PDE9A: variants seen among roughly 807,000 people sequenced by gnomAD.
The protein encoded by PDE9A is phosphodiesterase 9A, also known as high affinity cGMP-specific 3',5'-cyclic phosphodiesterase 9A.
Under a neutral mutation model 87.4 loss-of-function variants are expected in PDE9A, and 60 were observed. That is an observed-to-expected ratio of 0.69 (90% CI 0.56 to 0.85). The LOEUF is 0.85. Ranked by LOEUF, PDE9A falls within the 40% of genes least tolerant of loss-of-function variation. The pLI is 0.00. For missense variants in PDE9A, 665 were observed against 779.0 expected (o/e 0.85, Z 1.74); for synonymous variants, 272 against 279.4 (o/e 0.97, Z 0.27).
intron 4 of PDE9A, among the ~76,000 whole-genome samples, chr21:42,706,981 G>C (rs1375731182): frequency 6.6e-6 from 1 of 152,124 alleles, no homozygotes; most frequent in Non-Finnish European, 1.5e-5. Context: ...GCGTCCTGTG[G>C]CTGCATTGTG....
At chr21:42,677,743 A>G (rs1213734994) in intron 1 of PDE9A, among the ~76,000 whole-genome samples, 1 of 152,090 alleles carries the variant, frequency 6.6e-6, no homozygotes, top group Non-Finnish European at 1.5e-5. Flanking sequence ...CCCGGGTTCA[A>G]GTGATTCTCC....
In PDE9A at chr21:42,696,789, G is replaced by A; in HGVS notation, c.219-2179G>A. ...GGGTCTGTAAGGCAGTGAGGCTGAG[G>A]TTCCTGGGACAGCTGGGCACTGTGG... is the stretch of plus-strand genomic sequence containing the variant. On this transcript the variant is annotated intron_variant, in intron 3 of 19. Coordinates refer to ENST00000291539, the MANE Select transcript of PDE9A (RefSeq NM_002606.3). This position sits in a 1 kb window ranked among gnomAD's most constrained non-coding sequence, Gnocchi z 5.1. Among the ~76,000 whole-genome samples the A allele has an allele frequency of 6.6e-6, 1 of 152,180 alleles. No homozygotes were observed. The highest frequency in any genetic ancestry group is 1.5e-5 in the Non-Finnish European group (1 of 68,038).
chr21:42,684,207 G>T (rs1407714250), intron 1 of PDE9A, among the ~76,000 whole-genome samples: 2 of 152,262 alleles, frequency 1.3e-5, no homozygotes, highest in Admixed American at 6.5e-5. Context: ...TGCTTCTCCA[G>T]AAGCTGCAGA....
chr21:42,762,179 C>A lies in PDE9A; in HGVS notation c.1182C>A (p.Ala394=). 1 of 1,614,198 alleles carries A rather than the reference C, an allele frequency of 6.2e-7. No individual in the cohort carries two copies. The highest frequency in any genetic ancestry group is 8.5e-7 in the Non-Finnish European group (1 of 1,180,030). The stretch of plus-strand genomic sequence containing the variant: ...GCGCCGTGGCCTTCCAGATCCTCGC[C>A]GAGCCTGAGTGCAACATCTTCTCCA... The part of the protein sequence containing the change: ...HHCAVAFQIL[A]EPECNIFSNI... Residue 394 remains alanine, a synonymous_variant, in exon 14 of 20, where the codon GCC becomes GCA. Coordinates refer to ENST00000291539, the MANE Select transcript of PDE9A (RefSeq NM_002606.3).
intron 3 of PDE9A, 200 bp from the exon 4 acceptor site, chr21:42,698,768 A>T: frequency 4.5e-6 from 2 of 446,108 alleles, no homozygotes; most frequent in Non-Finnish European, 3.9e-6. Context: ...GAGGAAGGTG[A>T]TCATTTAAAT....
rs954704174 is a variant in PDE9A at position 42,755,990 on chromosome 21, G to A, written c.810+1926G>A. Among the ~76,000 whole-genome samples the A allele has an allele frequency of 2.0e-5, 3 of 152,254 alleles. No homozygotes were observed. The East Asian group carries it at 5.8e-4, about 29-fold the overall frequency. On this transcript the variant is annotated intron_variant, in intron 10 of 19. Transcript: ENST00000291539. The stretch of plus-strand genomic sequence containing the variant: ...GTGGGGCTTGCCCCACGAAGCTGGG[G>A]GATCTGTGTCTCCATAATAGAAAGG...
intron 3 of PDE9A, among the ~76,000 whole-genome samples, chr21:42,688,495 T>A (rs1263725150): frequency 6.6e-6 from 1 of 152,080 alleles, no homozygotes; most frequent in Non-Finnish European, 1.5e-5. Context: ...AAAGCCTCCG[T>A]GAATGTCTGT....
At chr21:42,726,622 A>ATTTTTTTTTTTTTTTTTT (rs1445924271) in intron 4 of PDE9A, among the ~76,000 whole-genome samples, 1 of 25,222 alleles carries the variant, frequency 4.0e-5, no homozygotes, top group Admixed American at 5.2e-4. Flanking sequence ...ATATATATAT[A>ATTTTTTTTTTTTTTTTTT]TATTTTTTTT....
chr21:42,679,715 A>G (rs960937787), intron 1 of PDE9A, among the ~76,000 whole-genome samples: 1 of 152,092 alleles, frequency 6.6e-6, no homozygotes, highest in Non-Finnish European at 1.5e-5. Flanking sequence ...TTGATAAAAT[A>G]GAGTCAAATC....
At chr21:42,768,445 T>G (rs2056612096) in intron 16 of PDE9A, 153 bp downstream of exon 16, 9 of 1,091,910 alleles carry the variant, frequency 8.2e-6, no homozygotes, top group Admixed American at 3.0e-5. Context: ...TAAGCGTACA[T>G]CAGAAACAAA....
rs1332545161 is a variant in PDE9A at position 42,656,419 on chromosome 21, TG to T, written c.69+2541del. On this transcript the variant is annotated intron_variant, in intron 1 of 19. Coordinates refer to ENST00000291539, the MANE Select transcript of PDE9A (RefSeq NM_002606.3). ...GGAGGAAGGAGGGAACATTAGAAAC[TG>T]GGGGTTCTGCCGAGTTCTGTGCTCC... Among the ~76,000 whole-genome samples, 16 of 152,276 alleles carry T rather than the reference TG, an allele frequency of 1.1e-4. No homozygotes were observed. The South Asian group carries it at 3.1e-3, about 30-fold the overall frequency.
intron 4 of PDE9A, among the ~76,000 whole-genome samples, chr21:42,717,874 C>A (rs2050101093): frequency 6.6e-6 from 1 of 150,982 alleles, no homozygotes; most frequent in Non-Finnish European, 1.5e-5. Context: ...TGAAGTGTGT[C>A]TTTCTTCTCT....
At chr21:42,661,420 G>A (rs1271357420) in intron 1 of PDE9A, among the ~76,000 whole-genome samples, 3 of 109,838 alleles carry the variant, frequency 2.7e-5, no homozygotes, top group Admixed American at 1.3e-4. Context: ...GACCCCCACT[G>A]TACATTCCGC....
chr21:42,766,122 A>G (rs2056374020), intron 15 of PDE9A, among the ~76,000 whole-genome samples: 1 of 152,204 alleles, frequency 6.6e-6, no homozygotes, highest in Non-Finnish European at 1.5e-5. Context: ...TGAGTCCAAA[A>G]GTTTGAGACC....
intron 1 of PDE9A, among the ~76,000 whole-genome samples, chr21:42,663,275 A>G (rs1325332286): frequency 2.7e-5 from 4 of 149,866 alleles, no homozygotes; most frequent in Non-Finnish European, 5.9e-5. Context: ...CACATCACAA[A>G]CACCACACAG....
At chr21:42,663,389 G>T (rs529515150) in intron 1 of PDE9A, among the ~76,000 whole-genome samples, 5 of 152,322 alleles carry the variant, frequency 3.3e-5, no homozygotes, top group Admixed American at 6.5e-5. Flanking sequence ...GAGCCCCTGG[G>T]GGTTTCAGGA....
At chr21:42,737,575 A>G (rs2052592245) in intron 7 of PDE9A, among the ~76,000 whole-genome samples, 1 of 152,082 alleles carries the variant, frequency 6.6e-6, no homozygotes, top group South Asian at 2.1e-4. Context: ...CTTCTGTCTC[A>G]GCCTCCCAAG....
chr21:42,748,052 A>C (rs1435506452), intron 8 of PDE9A, among the ~76,000 whole-genome samples: 1 of 152,182 alleles, frequency 6.6e-6, no homozygotes, highest in African/African-American at 2.4e-5. Flanking sequence ...CAGCTCTGGT[A>C]TCTGCAAGGA....
chr21:42,698,209 G>A (rs1294727602), intron 3 of PDE9A, among the ~76,000 whole-genome samples: 1 of 152,200 alleles, frequency 6.6e-6, no homozygotes, highest in East Asian at 1.9e-4. Context: ...AGCAACACCT[G>A]TGATGTCTGC....
Sources: allele counts gnomAD v4.1 joint callset (sites outside exome capture counted in the v4.1 genomes callset), GRCh38; gene constraint gnomAD v4.1.1; non-coding constraint Gnocchi (gnomAD v3.1); transcripts MANE v1.5; gene names NCBI Gene and HGNC (gene_info 2026-07-23, HGNC 2026-07-21).